BECN1: variants seen among roughly 807,000 people sequenced by gnomAD.
The protein encoded by BECN1 is beclin-1.
BECN1 carries 15 observed loss-of-function variants against 60.1 expected under a neutral mutation model. That is an observed-to-expected ratio of 0.25 (90% CI 0.17 to 0.38). The LOEUF (loss-of-function observed/expected upper bound fraction) is 0.38, where lower values mean the gene tolerates loss of function less well. BECN1 is among the 10% of genes least tolerant of loss of function. BECN1 has a pLI of 1.00. For synonymous variants in BECN1, 179 were observed against 201.8 expected (o/e 0.89, Z 0.96); for missense variants, 424 against 548.2 (o/e 0.77, Z 2.26).
At chr17:42,823,152 T>C (rs1444274646) in intron 2 of BECN1, among the ~76,000 whole-genome samples, 1 of 152,238 alleles carries the variant, frequency 6.6e-6, no homozygotes, top group East Asian at 1.9e-4. Flanking sequence ...CACTTGGTAT[T>C]ACTATATAGT....
chr17:42,813,761 A>G (rs2055086851), intron 10 of BECN1, 187 bp downstream of exon 10: 2 of 475,216 alleles, frequency 4.2e-6, no homozygotes, highest in South Asian at 5.5e-5. Context: ...CAGACTGTCA[A>G]AACCTGATTT....
Position 42,823,891 on chromosome 17 carries a change from GA to G in BECN1, c.-2-13del, listed in dbSNP as rs762174242. The G allele has an allele frequency of 6.2e-7, 1 of 1,611,876 alleles. No homozygotes were observed. On this transcript the variant is annotated splice_polypyrimidine_tract_variant and intron_variant, in intron 1 of 11. Coordinates refer to ENST00000590099, the MANE Select transcript of BECN1 (RefSeq NM_001313998.2). ...AGACCCTTCCATCCCTGAGGCCGTGGAAAAGAGGCAACATTAGGGAGAAGCG... is the reference window on the plus strand; with the variant it reads ...AGACCCTTCCATCCCTGAGGCCGTGGAAAGAGGCAACATTAGGGAGAAGCG...
chr17:42,820,928 C>T, intron 2 of BECN1, 87 bp from the exon 3 acceptor site: 1 of 1,202,326 alleles, frequency 8.3e-7, no homozygotes, highest in Non-Finnish European at 1.2e-6. Context: ...GTGAAATATT[C>T]TCATCACCAC....
At position 42,810,853 on chromosome 17, in the gene BECN1, G is replaced by A; in HGVS notation, c.1260C>T (p.Asn420=). ...GAGCTTTTGTCCACTGCTCCTCAGAGTTAAACTGGGTTTTGATGGAATAGG... is the reference window on the plus strand; with the variant it reads ...GAGCTTTTGTCCACTGCTCCTCAGAATTAAACTGGGTTTTGATGGAATAGG... The part of the protein sequence containing the change: ...GGSYSIKTQF[N]SEEQWTKALK... The change falls in exon 12 of 12, where the codon AAC becomes AAT. Residue 420 remains asparagine, a synonymous_variant. Transcript: ENST00000590099. 13 of 1,613,600 alleles carry A rather than the reference G, an allele frequency of 8.1e-6. No individual in the cohort carries two copies. Among genetic ancestry groups the A allele is most frequent in the Non-Finnish European group, 1.0e-5 (12 of 1,179,804 alleles).
chr17:42,818,525 T>C lies in BECN1; in HGVS notation c.488+19A>G, dbSNP rs371947621. ...TCAGAGCAGTAACAGCTCTGAGCCC[T>C]GGCTCTGGAGACACTCACTTGTAGT... On this transcript the variant is annotated intron_variant, in intron 6 of 11. Coordinates refer to ENST00000590099, the MANE Select transcript of BECN1 (RefSeq NM_001313998.2). 559 of 1,614,136 alleles carry C rather than the reference T, an allele frequency of 3.5e-4. 3 individuals carry two copies. The African/African-American group carries it at 6.4e-3, about 19-fold the overall frequency.
chr17:42,814,882 T>G, intron 8 of BECN1: 1 of 606,468 alleles, frequency 1.6e-6, no homozygotes, highest in Non-Finnish European at 2.8e-6. Flanking sequence ...GGTGGTATCC[T>G]TGAATGCTCC....
At chr17:42,814,403 C>G (rs766355708) in intron 9 of BECN1, 121 bp downstream of exon 9, 3 of 1,369,416 alleles carry the variant, frequency 2.2e-6, no homozygotes, top group Non-Finnish European at 3.0e-6. Context: ...GCTCTTCAGC[C>G]ACAGAAAACT....
rs1226642388 is a variant in BECN1, at chr17:42,812,757, A to T, written c.1042-960T>A. The stretch of plus-strand genomic sequence containing the variant: ...ATAAATAAAAATAATAAAAAATGCT[A>T]CAAAACCTGAAACTTTTTGACCATT... On this transcript the variant is annotated intron_variant, in intron 10 of 11. Transcript: ENST00000590099. The T allele has an allele frequency of 2.0e-5, 3 of 151,154 alleles. No individual in the cohort carries two copies. The East Asian group carries it at 5.8e-4, about 29-fold the overall frequency. The allele number at this position is 151,154 out of a possible 1,614,324, so 9.4% of individuals were successfully genotyped here. A position where few individuals can be genotyped will look rare whatever the true frequency, so the allele number is the denominator to read the frequency against.
rs747898135 is a variant in BECN1, at chr17:42,815,269, T to C, written c.831-596A>G. ...TCTTCAGTCACAATAAGCTCCTTTC[T>C]GTTCTCTGAATTCACCACTCCCTCT... On this transcript the variant is annotated intron_variant, in intron 8 of 11. Transcript: ENST00000590099. 4.0e-5 allele frequency among the ~76,000 whole-genome samples: 6 copies of C among 151,734 alleles called. No homozygotes were observed. In the East Asian group the frequency reaches 5.8e-4, roughly 15 times the overall value.
chr17:42,817,744 C>T (rs1261001908), intron 7 of BECN1, among the ~76,000 whole-genome samples: 1 of 152,092 alleles, frequency 6.6e-6, no homozygotes, highest in Non-Finnish European at 1.5e-5. Flanking sequence ...GATGGGGTCT[C>T]ACTTGATATT....
chr17:42,811,585 T>A, intron 11 of BECN1, 70 bp downstream of exon 11: 2 of 1,548,578 alleles, frequency 1.3e-6, no homozygotes, highest in Non-Finnish European at 1.7e-6. Context: ...TTTGCCTCCA[T>A]TATTACTGCT....
intron 2 of BECN1, among the ~76,000 whole-genome samples, chr17:42,821,360 ATTTATC>A (rs1324704746): frequency 2.6e-5 from 4 of 152,126 alleles, no homozygotes; most frequent in Non-Finnish European, 5.9e-5. Context: ...GGCCGGTATC[ATTTATC>A]TTTAAGAATC....
rs1401393926 is a variant in BECN1 at position 42,818,440 on chromosome 17, A to G, written c.489-25T>C. The G allele has an allele frequency of 4.3e-6, 7 of 1,613,266 alleles. No individual in the cohort carries two copies. In the South Asian group the frequency reaches 6.6e-5, roughly 15 times the overall value. The stretch of plus-strand genomic sequence containing the variant: ...TCTGCCAAAGACACAGGCAGACTAT[A>G]CTTACTAGAGCTCCATTTGCCTGAG... On this transcript the variant is annotated intron_variant, in intron 6 of 11. Transcript: ENST00000590099.
intron 8 of BECN1, chr17:42,815,046 C>T (rs1431539902): frequency 9.2e-6 from 2 of 218,184 alleles, no homozygotes; most frequent in Non-Finnish European, 1.8e-5. Flanking sequence ...CCCCTTTACC[C>T]CAAGTCATTC....
chr17:42,812,171 G>A (rs1324260968), intron 10 of BECN1: 1 of 166,612 alleles, frequency 6.0e-6, no homozygotes, highest in East Asian at 1.8e-4. Flanking sequence ...GATCACCTGA[G>A]GTTGGGAGTT....
rs1408319659 is a variant in BECN1 at position 42,824,272 on chromosome 17, G to C, written c.-120C>G. ...ATCGCTCTGTCTTCAGCGACTTCCC[G>C]GTAGCCGCCGGAAAACTTCCGCCCG... On this transcript the variant is annotated 5_prime_UTR_variant, in exon 1 of 12. Coordinates refer to ENST00000590099, the MANE Select transcript of BECN1 (RefSeq NM_001313998.2). 7.5e-6 allele frequency: 3 copies of C among 399,620 alleles called. No individual in the cohort carries two copies. In the East Asian group the frequency reaches 1.1e-4, roughly 14 times the overall value. 24.8% of individuals were successfully genotyped at this position (399,620 alleles called of 1,614,324 possible). A position where few individuals can be genotyped will look rare whatever the true frequency, so the allele number is the denominator to read the frequency against.
rs2054975325 is a variant in BECN1, at chr17:42,810,596, A to G, written c.*164T>C. 2 of 696,914 alleles carry G rather than the reference A, an allele frequency of 2.9e-6. No individual in the cohort carries two copies. The highest frequency in any genetic ancestry group is 4.3e-6 in the Non-Finnish European group (2 of 461,598). The allele number at this position is 696,914 out of a possible 1,614,324, so 43.2% of individuals were successfully genotyped here. On this transcript the variant is annotated 3_prime_UTR_variant, in exon 12 of 12. Transcript: ENST00000590099. ...ATGGCATGTTGTAGCTCTGGAAAGT[A>G]TCTGTCACATGATATTTTAAAATAA...
intron 7 of BECN1, among the ~76,000 whole-genome samples, chr17:42,817,250 G>A (rs1207561849): frequency 6.7e-6 from 1 of 149,092 alleles, no homozygotes. Context: ...AGTCATGACT[G>A]CACCACTGCA....
intron 2 of BECN1, among the ~76,000 whole-genome samples, chr17:42,823,262 T>C (rs2055308186): frequency 6.6e-6 from 1 of 152,142 alleles, no homozygotes; most frequent in Admixed American, 6.6e-5. Flanking sequence ...TACTGAAAGC[T>C]CTCTTTTTTT....
Sources: gnomAD v4.1 joint callset for allele counts (sites outside exome capture counted in the v4.1 genomes callset) on GRCh38, gnomAD v4.1.1 for gene constraint, MANE v1.5 for transcripts, NCBI Gene and HGNC (gene_info 2026-07-23, HGNC 2026-07-21) for gene names.